The following SH3TC1 variants were observed in gnomAD, a reference collection of about 807,000 sequenced individuals.
SH3TC1 encodes the protein SH3 domain and tetratricopeptide repeats 1.
A neutral mutation model predicts 117.3 loss-of-function variants in SH3TC1; 135 were observed. The ratio of observed to expected loss-of-function variants is 1.15; its 90% confidence interval spans 1.00 to 1.33. SH3TC1 has a LOEUF of 1.33. SH3TC1 is among the 40% of genes most tolerant of loss of function. The pLI is 0.00. For synonymous variants in SH3TC1, 898 were observed against 816.9 expected, an observed-to-expected ratio of 1.10 and a Z score of -1.69; for missense variants, 2,092 against 1,794.3, an observed-to-expected ratio of 1.17 and a Z score of -3.00.
At chr4:8,233,131 G>C (rs892249067) in intron 13 of SH3TC1, 1 of 1,362,216 alleles carries the variant, frequency 7.3e-7, no homozygotes, top group Non-Finnish European at 9.4e-7. Context: ...CGCTCCCCCA[G>C]CCACAGGGCA....
Position 8,214,467 on chromosome 4 carries a change from C to A in SH3TC1, c.376-8C>A. On this transcript the variant is annotated splice_polypyrimidine_tract_variant and splice_region_variant and intron_variant, in intron 4 of 17. Coordinates refer to ENST00000245105, the MANE Select transcript of SH3TC1 (RefSeq NM_018986.5). ...GGACCTCTCGAATTCCTATTTCTTT[C>A]TCTTAAGGAATTATCAGCCAGGCTG... 1 of 1,612,706 alleles carries A rather than the reference C, an allele frequency of 6.2e-7. No homozygotes were observed. The highest frequency in any genetic ancestry group is 8.5e-7 in the Non-Finnish European group (1 of 1,178,942).
rs1456077585 is a variant in SH3TC1 at position 8,206,697 on chromosome 4, T to C, written c.172+1331T>C. Among the ~76,000 whole-genome samples, 1 of 152,206 alleles carries C rather than the reference T, an allele frequency of 6.6e-6. No homozygotes were observed. Among genetic ancestry groups the C allele is most frequent in the Admixed American group, 6.5e-5 (1 of 15,284 alleles). On this transcript the variant is annotated intron_variant, in intron 2 of 17. Transcript: ENST00000245105. This position sits in a 1 kb window ranked among gnomAD's most constrained non-coding sequence, Gnocchi z 5.5. The stretch of plus-strand genomic sequence containing the variant: ...TGGGGTGGGGCTCCTCATCAGCTCC[T>C]TCACCTCCTCGTCTTCTCTGGACAA...
intron 1 of SH3TC1, among the ~76,000 whole-genome samples, chr4:8,191,525 G>A (rs1309053772): frequency 6.6e-6 from 1 of 152,212 alleles, no homozygotes; most frequent in African/African-American, 2.4e-5. Context: ...CAGCAGCAAA[G>A]GCCAGAAATA....
At position 8,188,695 on chromosome 4, in the gene SH3TC1, C is replaced by T. The variant is rs527634547; in HGVS notation, c.-57+6485C>T. 2.0e-5 allele frequency among the ~76,000 whole-genome samples: 3 copies of T among 152,348 alleles called. No homozygotes were observed. In the East Asian group the frequency reaches 5.8e-4, roughly 29 times the overall value. ...CCTGCAGCAAGCAAGTGAGGGGAGACCCCGGGACCCACACCTGGCTGGACA... is the reference window on the plus strand; with the variant it reads ...CCTGCAGCAAGCAAGTGAGGGGAGATCCCGGGACCCACACCTGGCTGGACA... On this transcript the variant is annotated intron_variant, in intron 1 of 16. Coordinates refer to the SH3TC1 transcript ENST00000508641.
intron 10 of SH3TC1, among the ~76,000 whole-genome samples, chr4:8,223,631 CTTTTT>C (rs761152183): frequency 7.3e-6 from 1 of 136,516 alleles, no homozygotes; most frequent in Non-Finnish European, 1.6e-5. Context: ...TACACACCCA[CTTTTT>C]TTTTTTTTTT....
At chr4:8,182,967 A>C (rs966973035) in intron 1 of SH3TC1, among the ~76,000 whole-genome samples, 14 of 152,084 alleles carry the variant, frequency 9.2e-5, no homozygotes, top group African/African-American at 3.4e-4. Flanking sequence ...GTTTTGAAGG[A>C]GGCAGGGACT....
intron 16 of SH3TC1, chr4:8,237,177 G>A (rs2152998398): frequency 2.8e-6 from 1 of 363,226 alleles, no homozygotes. Context: ...AGGAGCGCGT[G>A]GGCTGCATGC....
In SH3TC1 at chr4:8,235,470, A is replaced by G; in HGVS notation, c.3320A>G (p.Asn1107Ser). 6 of 1,599,478 alleles carry G rather than the reference A, an allele frequency of 3.8e-6. No homozygotes were observed. The highest frequency in any genetic ancestry group is 3.4e-5 in the South Asian group (3 of 89,384). Reference sequence around the variant, plus strand: ...GTGGCCCTGTACACAGGCGACCCCAACCTGGGGCTGGAGCTGTTTGAGGCG... The same window carrying G: ...GTGGCCCTGTACACAGGCGACCCCAGCCTGGGGCTGGAGCTGTTTGAGGCG... Reference protein sequence around the residue: ...QNVALYTGDPNLGLELFEAAG... With the variant: ...QNVALYTGDPSLGLELFEAAG... The change falls in exon 15 of 18, where the codon AAC becomes AGC. Residue 1107 changes from asparagine (N) to serine (S), a missense_variant. Physicochemically the swap from Asn to Ser is conservative, Grantham distance 46. Transcript: ENST00000245105.
Position 8,222,858 on chromosome 4 carries a change from T to C in SH3TC1, c.1131T>C (p.Phe377=), listed in dbSNP as rs147338839. 78 of 1,612,096 alleles carry C rather than the reference T, an allele frequency of 4.8e-5. No homozygotes were observed. In the African/African-American group the frequency reaches 9.5e-4, roughly 20 times the overall value. ...GPVSELESAI[F]LNEEEKSFFS... ...TTTCCAGGTTGGAAAGTGCGATTTT[T>C]CTCAATGAGGAAGAAAAGTCATTCT... The change falls in exon 10 of 18, where the codon TTT becomes TTC. Residue 377 remains phenylalanine (F), a synonymous_variant. Coordinates refer to ENST00000245105, the MANE Select transcript of SH3TC1 (RefSeq NM_018986.5).
chr4:8,239,835 G>A (rs535660603), intron 17 of SH3TC1, among the ~76,000 whole-genome samples: 2 of 152,244 alleles, frequency 1.3e-5, no homozygotes, highest in African/African-American at 2.4e-5. Context: ...GAGCAGGGAC[G>A]TTAGGCTCAG....
rs1337966287 is a variant in SH3TC1, at chr4:8,209,989, G to A, written c.247+167G>A. Among the ~76,000 whole-genome samples the A allele has an allele frequency of 6.6e-6, 1 of 152,178 alleles. No individual in the cohort carries two copies. The highest frequency in any genetic ancestry group is 2.4e-5 in the African/African-American group (1 of 41,452). On this transcript the variant is annotated intron_variant, in intron 3 of 17. Coordinates refer to ENST00000245105, the MANE Select transcript of SH3TC1 (RefSeq NM_018986.5). The surrounding 1 kb of genome is among the most constrained non-coding windows in gnomAD (Gnocchi z 5.9). ...AGGGTTTGTTAAATGCGCATGCCCA[G>A]GTCCTGCACCCAGAGGGGGACATGG...
intron 1 of SH3TC1, chr4:8,204,905 C>T: frequency 3.3e-6 from 1 of 304,696 alleles, no homozygotes; most frequent in Non-Finnish European, 6.0e-6. Context: ...GGGAAGGGGA[C>T]TCCAGGCAGA....
chr4:8,183,080 C>T lies in SH3TC1; in HGVS notation c.-57+870C>T, dbSNP rs1023598747. Among the ~76,000 whole-genome samples the T allele has an allele frequency of 6.6e-6, 1 of 152,104 alleles. No homozygotes were observed. The highest frequency in any genetic ancestry group is 1.5e-5 in the Non-Finnish European group (1 of 67,992). On this transcript the variant is annotated intron_variant, in intron 1 of 16. Transcript: ENST00000508641. This position sits in a 1 kb window ranked among gnomAD's most constrained non-coding sequence, Gnocchi z 5.4. ...GGTGAGGGGGATCCATGGCCCCTGG[C>T]AAGGGGTGGGGCCTCTGTGAGCCTC...
chr4:8,205,369 G>A lies in SH3TC1; in HGVS notation c.172+3G>A, dbSNP rs1027258165. On this transcript the variant is annotated splice_donor_region_variant and intron_variant, in intron 2 of 17. Transcript: ENST00000245105. The surrounding 1 kb of genome is among the most constrained non-coding windows in gnomAD (Gnocchi z 5.4). ...GGCCAAGGCGCCAGTGAGAGGCGGTGAGTTCATTCCACCCTCACCACCCGC... is the reference window on the plus strand; with the variant it reads ...GGCCAAGGCGCCAGTGAGAGGCGGTAAGTTCATTCCACCCTCACCACCCGC... 2.3e-5 allele frequency: 36 copies of A among 1,545,130 alleles called. No homozygotes were observed. The highest frequency in any genetic ancestry group is 2.9e-5 in the Non-Finnish European group (33 of 1,145,162).
chr4:8,198,654 G>A (rs926407146), upstream of SH3TC1, among the ~76,000 whole-genome samples: 2 of 152,252 alleles, frequency 1.3e-5, no homozygotes, highest in East Asian at 1.9e-4. Context: ...GACGGTGGGA[G>A]GGTAAAGAGG....
At position 8,225,317 on chromosome 4, in the gene SH3TC1, G is replaced by A. The variant is rs2279196; in HGVS notation, c.1285+101G>A. The A allele has an allele frequency of 0.35, 464,484 of 1,327,132 alleles. 83,947 individuals are homozygous for A. Among genetic ancestry groups the A allele is most frequent in the East Asian group, 0.58 (23,117 of 39,998 alleles). The allele number at this position is 1,327,132 out of a possible 1,614,324, so 82.2% of individuals were successfully genotyped here. A position where few individuals can be genotyped will look rare whatever the true frequency, so the allele number is the denominator to read the frequency against. On this transcript the variant is annotated intron_variant, in intron 11 of 17. Transcript: ENST00000245105. This position sits in a 1 kb window ranked among gnomAD's most constrained non-coding sequence, Gnocchi z 5.5. ...GCTGAGCACGGTGGGCATTGGGTGC[G>A]GCTGTCACCCCTCTGTGGTGTGGGC...
In SH3TC1 at chr4:8,205,656, T is replaced by G; in HGVS notation, c.172+290T>G. Reference sequence around the variant, plus strand: ...GGCAGGGGCCTTTGAACCCCCATGTTCAGAGACCGTTCCAGAAACAGTCCG... The same window carrying G: ...GGCAGGGGCCTTTGAACCCCCATGTGCAGAGACCGTTCCAGAAACAGTCCG... On this transcript the variant is annotated intron_variant, in intron 2 of 17. Coordinates refer to ENST00000245105, the MANE Select transcript of SH3TC1 (RefSeq NM_018986.5). The surrounding 1 kb of genome is among the most constrained non-coding windows in gnomAD (Gnocchi z 5.4). The G allele has an allele frequency of 1.3e-6, 1 of 762,774 alleles. No individual in the cohort carries two copies. The highest frequency in any genetic ancestry group is 2.4e-6 in the Non-Finnish European group (1 of 416,914). 47.3% of individuals were successfully genotyped at this position (762,774 alleles called of 1,614,324 possible). A position where few individuals can be genotyped will look rare whatever the true frequency, so the allele number is the denominator to read the frequency against.
intron 3 of SH3TC1, among the ~76,000 whole-genome samples, chr4:8,212,119 G>A (rs1365052777): frequency 6.6e-6 from 1 of 152,106 alleles, no homozygotes; most frequent in African/African-American, 2.4e-5. Context: ...GAGCAGGGGT[G>A]GGGGCCCTCT....
At chr4:8,197,601 T>G (rs1163617420), upstream of SH3TC1, among the ~76,000 whole-genome samples, 2 of 152,162 alleles carry the variant, frequency 1.3e-5, no homozygotes, top group Non-Finnish European at 2.9e-5. Flanking sequence ...CACCGTGTGC[T>G]CACTGAGCAT....
Sources: allele counts gnomAD v4.1 joint callset (sites outside exome capture counted in the v4.1 genomes callset), GRCh38; gene constraint gnomAD v4.1.1; non-coding constraint Gnocchi (gnomAD v3.1); transcripts MANE v1.5; gene names NCBI Gene and HGNC (gene_info 2026-07-23, HGNC 2026-07-21).